ZDHHC21: variants seen among roughly 807,000 people sequenced by gnomAD.
The protein encoded by ZDHHC21 is zDHHC palmitoyltransferase 21.
A neutral mutation model predicts 34.6 loss-of-function variants in ZDHHC21; 15 were observed. The ratio of observed to expected loss-of-function variants is 0.43; its 90% CI spans 0.29 to 0.67. The LOEUF is 0.67. Ranked by LOEUF, ZDHHC21 falls within the 30% of genes least tolerant of loss-of-function variation. The pLI, the probability that ZDHHC21 is intolerant of heterozygous loss-of-function variation, is 0.14. For synonymous variants in ZDHHC21, 142 were observed against 101.8 expected (o/e 1.40, Z -2.38); for missense variants, 344 against 327.7 (o/e 1.05, Z -0.38).
At chr9:14,593,373 T>A in the ZDHHC21 span, among the ~76,000 whole-genome samples, 1 of 152,136 alleles carries the variant, frequency 6.6e-6, no homozygotes, top group South Asian at 2.1e-4. Flanking sequence ...CAACTTTATG[T>A]CAACATATTA....
intron 1 of ZDHHC21, 42 bp from the exon 2 acceptor site, chr9:14,690,427 G>T (rs760917155): frequency 1.1e-4 from 51 of 445,800 alleles, no homozygotes; most frequent in African/African-American, 8.9e-4. Flanking sequence ...AAGCTTGGTT[G>T]ACATCACACT....
intron 2 of ZDHHC21, chr9:14,683,667 T>C (rs552175981): frequency 1.4e-4 from 21 of 152,184 alleles, no homozygotes; most frequent in South Asian, 2.1e-4. Flanking sequence ...TTCCAATCAA[T>C]AGAAAAAGAG....
intron 2 of ZDHHC21, among the ~76,000 whole-genome samples, chr9:14,688,894 A>T (rs917775243): frequency 1.3e-5 from 2 of 151,670 alleles, no homozygotes; most frequent in Admixed American, 1.3e-4. Flanking sequence ...CAAACAGAAA[A>T]CCAGCCGGGT....
the ZDHHC21 span, among the ~76,000 whole-genome samples, chr9:14,601,319 A>T: frequency 6.6e-6 from 1 of 152,180 alleles, no homozygotes; most frequent in Non-Finnish European, 1.5e-5. Flanking sequence ...AAACAACCCC[A>T]TCAAAAAGTG....
chr9:14,681,720 T>C (rs1437191703), intron 2 of ZDHHC21, among the ~76,000 whole-genome samples: 1 of 119,246 alleles, frequency 8.4e-6, no homozygotes, highest in African/African-American at 3.0e-5. Flanking sequence ...TGGTAACTTA[T>C]AAGGGGAATG....
At chr9:14,627,427 C>T (rs1586928469) in intron 8 of ZDHHC21, among the ~76,000 whole-genome samples, 1 of 152,120 alleles carries the variant, frequency 6.6e-6, no homozygotes, top group Non-Finnish European at 1.5e-5. Context: ...AAGCTATCTT[C>T]AGCAATTCAA....
At chr9:14,602,178 C>T in the ZDHHC21 span, among the ~76,000 whole-genome samples, 100 of 151,546 alleles carry the variant, frequency 6.6e-4, no homozygotes, top group African/African-American at 2.2e-3. Flanking sequence ...ACAGAAATAT[C>T]GGAACTGAAG....
At chr9:14,606,233 G>C (rs1823011669), downstream of ZDHHC21, among the ~76,000 whole-genome samples, 1 of 152,238 alleles carries the variant, frequency 6.6e-6, no homozygotes, top group South Asian at 2.1e-4. Context: ...CCATGAAATG[G>C]AATTATGTTC....
At position 14,626,556 on chromosome 9, in the gene ZDHHC21, A is replaced by C. The variant is rs150290824; in HGVS notation, c.622-6874T>G. On this transcript the variant is annotated intron_variant, in intron 8 of 9. Transcript: ENST00000380916. ...TTATTACACTGAGCAAACAGAAATT[A>C]TGCAATATAAATATGCTTTTACATA... Among the ~76,000 whole-genome samples the C allele has an allele frequency of 2.9e-3, 442 of 152,126 alleles. 1 individual carries two copies. Among genetic ancestry groups the C allele is most frequent in the African/African-American group, 0.01 (420 of 41,568 alleles).
At chr9:14,636,282 G>A (rs1455741953) in intron 8 of ZDHHC21, among the ~76,000 whole-genome samples, 1 of 152,116 alleles carries the variant, frequency 6.6e-6, no homozygotes, top group African/African-American at 2.4e-5. Context: ...ACTTATATCA[G>A]ATATGCAGAC....
intron 8 of ZDHHC21, among the ~76,000 whole-genome samples, chr9:14,630,948 C>A (rs1054259584): frequency 1.3e-5 from 2 of 152,200 alleles, no homozygotes; most frequent in African/African-American, 4.8e-5. Context: ...GTAGATTTAG[C>A]ATAATTCTTA....
At chr9:14,608,427 T>A (rs376554396), downstream of ZDHHC21, among the ~76,000 whole-genome samples, 92 of 152,320 alleles carry the variant, frequency 6.0e-4, no homozygotes, top group African/African-American at 2.0e-3. Flanking sequence ...AATACGTGTC[T>A]ACAGTAGTAT....
intron 5 of ZDHHC21, among the ~76,000 whole-genome samples, chr9:14,663,542 CTTTTTTTTCTT>C (rs1833789877): frequency 9.5e-5 from 6 of 62,956 alleles, no homozygotes; most frequent in African/African-American, 3.9e-4. Flanking sequence ...TTTTTTTTCT[CTTTTTTTTCTT>C]CTTTTTTAAG....
At chr9:14,685,233 C>T (rs1429089764) in intron 2 of ZDHHC21, among the ~76,000 whole-genome samples, 2 of 151,612 alleles carry the variant, frequency 1.3e-5, no homozygotes, top group Non-Finnish European at 2.9e-5. Context: ...AGCTTCTGCA[C>T]AGCAAAAGAA....
the ZDHHC21 span, among the ~76,000 whole-genome samples, chr9:14,597,118 C>T: frequency 6.6e-6 from 1 of 152,152 alleles, no homozygotes; most frequent in African/African-American, 2.4e-5. Context: ...GTCCATGCAA[C>T]AGCATTGTTC....
At chr9:14,648,609 G>A (rs1830671930) in intron 7 of ZDHHC21, among the ~76,000 whole-genome samples, 1 of 151,868 alleles carries the variant, frequency 6.6e-6, no homozygotes, top group Admixed American at 6.6e-5. Context: ...CCTGTACCCT[G>A]CTTTATTATA....
chr9:14,691,129 C>A (rs1839088686), intron 1 of ZDHHC21, among the ~76,000 whole-genome samples: 1 of 152,174 alleles, frequency 6.6e-6, no homozygotes, highest in Admixed American at 6.5e-5. Flanking sequence ...GAGTCACATT[C>A]AATTACAATT....
In ZDHHC21 at chr9:14,614,488, C is replaced by A. The variant is rs1371656773; in HGVS notation, c.*4478G>T. The A allele has an allele frequency of 6.6e-6, 1 of 151,732 alleles. No homozygotes were observed. The highest frequency in any genetic ancestry group is 2.4e-5 in the African/African-American group (1 of 41,418). 9.4% of individuals were successfully genotyped at this position (151,732 alleles called of 1,614,324 possible). A position where few individuals can be genotyped will look rare whatever the true frequency, so the allele number is the denominator to read the frequency against. On this transcript the variant is annotated 3_prime_UTR_variant, in exon 10 of 10. Coordinates refer to ENST00000380916, the MANE Select transcript of ZDHHC21 (RefSeq NM_178566.6). ...TCAAAAGGAGCAGAAATGCTAAATACTGATTAACATATAGAATTACAACAC... is the reference window on the plus strand; with the variant it reads ...TCAAAAGGAGCAGAAATGCTAAATAATGATTAACATATAGAATTACAACAC...
At chr9:14,605,590 C>G in the ZDHHC21 span, among the ~76,000 whole-genome samples, 1 of 152,026 alleles carries the variant, frequency 6.6e-6, no homozygotes. Context: ...TTTGATTAAC[C>G]TCTTAGCAAA....
Sources: gnomAD v4.1 joint callset for allele counts (sites outside exome capture counted in the v4.1 genomes callset) on GRCh38, gnomAD v4.1.1 for gene constraint, MANE v1.5 for transcripts, NCBI Gene and HGNC (gene_info 2026-07-23, HGNC 2026-07-21) for gene names.